PTPN21: variants seen among roughly 807,000 people sequenced by gnomAD.
PTPN21 encodes the protein protein tyrosine phosphatase non-receptor type 21.
A neutral mutation model predicts 131.8 loss-of-function variants in PTPN21; 77 were observed. The observed-to-expected ratio is 0.58, with a 90% CI of 0.49 to 0.71. The LOEUF (loss-of-function observed/expected upper bound fraction) is 0.71, where lower values mean the gene tolerates loss of function less well. Among genes scored for constraint, PTPN21 ranks in the 30% least tolerant of loss-of-function variants. The pLI is 0.00. For missense variants in PTPN21, 1,552 were observed against 1,527.1 expected (o/e 1.02, Z -0.27); for synonymous variants, 715 against 621.3 (o/e 1.15, Z -2.24).
At chr14:88,510,793 T>C (rs2078165726) in intron 3 of PTPN21, among the ~76,000 whole-genome samples, 1 of 152,208 alleles carries the variant, frequency 6.6e-6, no homozygotes, top group Non-Finnish European at 1.5e-5. Flanking sequence ...GGACAGTGTC[T>C]AACATACAGT....
intron 8 of PTPN21, 47 bp from the exon 9 acceptor site, chr14:88,497,337 G>A (rs771073430): frequency 7.1e-7 from 1 of 1,408,492 alleles, no homozygotes; most frequent in Non-Finnish European, 1.0e-6. Flanking sequence ...GCCCATGGGG[G>A]AAACAAGGAG....
chr14:88,521,287 G>A (rs1392671799), intron 2 of PTPN21, among the ~76,000 whole-genome samples: 5 of 152,080 alleles, frequency 3.3e-5, no homozygotes, highest in Non-Finnish European at 7.4e-5. Flanking sequence ...CTGTTACTAT[G>A]TTTGTTTTCT....
chr14:88,528,649 A>G (rs2078513729), intron 2 of PTPN21, among the ~76,000 whole-genome samples: 1 of 151,798 alleles, frequency 6.6e-6, no homozygotes, highest in South Asian at 2.1e-4. Flanking sequence ...ATGAGATCTG[A>G]TGGTTTTAAA....
chr14:88,508,150 G>GT (rs34305703), intron 3 of PTPN21, 130 bp from the exon 4 acceptor site: 58,285 of 393,854 alleles, frequency 0.15, 2,236 homozygotes, highest in Admixed American at 0.25. Flanking sequence ...GGTTGTGTGT[G>GT]TTTTTTTTTT....
chr14:88,532,263 A>C (rs1394907086), intron 2 of PTPN21, among the ~76,000 whole-genome samples: 1 of 152,238 alleles, frequency 6.6e-6, no homozygotes, highest in Non-Finnish European at 1.5e-5. Context: ...TCATTCTATG[A>C]AGCCAGCATT....
In PTPN21 at chr14:88,480,456, G is replaced by C. The variant is rs896847203; in HGVS notation, c.1079-104C>G. The stretch of plus-strand genomic sequence containing the variant: ...TCTGATGACATTTTTAACACAGCTT[G>C]TAAAAATCCCCGCTAGAATGACCTA... On this transcript the variant is annotated intron_variant, in intron 12 of 18. Transcript: ENST00000556564. The C allele has an allele frequency of 6.4e-6, 6 of 930,472 alleles. No homozygotes were observed. The Admixed American group carries it at 1.6e-4, about 24-fold the overall frequency. 57.6% of individuals were successfully genotyped at this position (930,472 alleles called of 1,614,324 possible). A position where few individuals can be genotyped will look rare whatever the true frequency, so the allele number is the denominator to read the frequency against.
intron 2 of PTPN21, among the ~76,000 whole-genome samples, chr14:88,532,136 AC>A (rs2078563356): frequency 6.6e-6 from 1 of 151,738 alleles, no homozygotes; most frequent in African/African-American, 2.4e-5. Context: ...CCAACAAAAA[AC>A]AAGTCCAGGA....
At chr14:88,508,765 G>A (rs2078136413) in intron 3 of PTPN21, among the ~76,000 whole-genome samples, 1 of 152,148 alleles carries the variant, frequency 6.6e-6, no homozygotes, top group African/African-American at 2.4e-5. Flanking sequence ...AATGGTTTCT[G>A]ATATTTCAGA....
intron 8 of PTPN21, 21 bp downstream of exon 8, chr14:88,500,761 CA>C: frequency 1.3e-6 from 2 of 1,537,690 alleles, no homozygotes; most frequent in South Asian, 1.1e-5. Flanking sequence ...AGAAAACATA[CA>C]AAAAGAGGTA....
Position 88,479,865 on chromosome 14 carries a change from A to G in PTPN21, c.1566T>C (p.Ser522=), listed in dbSNP as rs770564062. ...GCCGCTCGGCAGGGTAGGGGTAGGG[A>G]GACGGGCTGTGGAAGCTGTAGCTCA... ...FSLSYSFHSP[S]PYPYPAERRP... Residue 522 remains serine (S), a synonymous_variant, in exon 13 of 19, where the codon TCT becomes TCC. Transcript: ENST00000556564. 2.5e-6 allele frequency: 4 copies of G among 1,573,430 alleles called. No homozygotes were observed. Among genetic ancestry groups the G allele is most frequent in the Non-Finnish European group, 3.4e-6 (4 of 1,164,136 alleles).
At chr14:88,471,306 G>T (rs958101193) in intron 15 of PTPN21, among the ~76,000 whole-genome samples, 1 of 152,134 alleles carries the variant, frequency 6.6e-6, no homozygotes, top group Admixed American at 6.5e-5. Context: ...CCAAAATAAA[G>T]AATTGAATGT....
chr14:88,505,137 C>G (rs924635251), intron 5 of PTPN21, among the ~76,000 whole-genome samples, 167 bp downstream of exon 5: 1 of 152,154 alleles, frequency 6.6e-6, no homozygotes. Flanking sequence ...ACCAAGATGA[C>G]TACAACAGGG....
intron 5 of PTPN21, 144 bp downstream of exon 5, chr14:88,505,160 C>T (rs1051807456): frequency 2.3e-5 from 15 of 655,814 alleles, no homozygotes; most frequent in Non-Finnish European, 3.6e-5. Flanking sequence ...AGCAGTCACA[C>T]TTGAGATGTT....
At chr14:88,546,118 T>G (rs1331092710) in intron 2 of PTPN21, among the ~76,000 whole-genome samples, 2 of 150,380 alleles carry the variant, frequency 1.3e-5, no homozygotes, top group African/African-American at 5.0e-5. Flanking sequence ...TGCTTTTAAT[T>G]TAATACAAAA....
intron 14 of PTPN21, 59 bp from the exon 15 acceptor site, chr14:88,472,524 G>T: frequency 1.9e-6 from 2 of 1,056,958 alleles, no homozygotes; most frequent in South Asian, 1.4e-5. Context: ...GCTACCTTTT[G>T]ACTGTATATT....
intron 14 of PTPN21, among the ~76,000 whole-genome samples, chr14:88,473,157 A>G (rs555077185): frequency 6.6e-6 from 1 of 152,270 alleles, no homozygotes; most frequent in Non-Finnish European, 1.5e-5. Flanking sequence ...ATAAAAGACT[A>G]AAGCAGTAGG....
At chr14:88,510,009 C>T (rs918822459) in intron 3 of PTPN21, among the ~76,000 whole-genome samples, 1 of 152,180 alleles carries the variant, frequency 6.6e-6, no homozygotes, top group African/African-American at 2.4e-5. Context: ...GCACTCCAGC[C>T]TGGGCATCAC....
intron 2 of PTPN21, among the ~76,000 whole-genome samples, chr14:88,523,714 G>A (rs1316720793): frequency 2.8e-5 from 3 of 105,746 alleles, no homozygotes; most frequent in East Asian, 2.5e-4. Flanking sequence ...CCCCCCAACC[G>A]TGACACACAC....
At chr14:88,536,842 A>C (rs952296097) in intron 2 of PTPN21, among the ~76,000 whole-genome samples, 9 of 152,194 alleles carry the variant, frequency 5.9e-5, no homozygotes, top group African/African-American at 2.2e-4. Context: ...AGATGACAGA[A>C]GATAGCACTA....
Sources: allele counts gnomAD v4.1 joint callset (sites outside exome capture counted in the v4.1 genomes callset), GRCh38; gene constraint gnomAD v4.1.1; transcripts MANE v1.5; gene names NCBI Gene and HGNC (gene_info 2026-07-23, HGNC 2026-07-21).